The following ADAMTS18 variants were observed in gnomAD, a reference collection of about 807,000 sequenced individuals.
The protein encoded by ADAMTS18 is A disintegrin and metalloproteinase with thrombospondin motifs 18.
ADAMTS18 carries 157 observed loss-of-function variants against 165.9 expected under a neutral mutation model. That is an observed-to-expected ratio of 0.95 (90% CI 0.83 to 1.08). The LOEUF (loss-of-function observed/expected upper bound fraction) is 1.08. Ranked by LOEUF, ADAMTS18 falls within the 50% of genes least tolerant of loss-of-function variation. The pLI is 0.00. For missense variants in ADAMTS18, 2,040 were observed against 1,534.0 expected, an observed-to-expected ratio of 1.33 and a Z score of -5.51; for synonymous variants, 782 against 578.2, an observed-to-expected ratio of 1.35 and a Z score of -5.06.
chr16:77,350,660 A>C (rs1052390622), intron 10 of ADAMTS18, among the ~76,000 whole-genome samples: 1 of 152,158 alleles, frequency 6.6e-6, no homozygotes, highest in African/African-American at 2.4e-5. Flanking sequence ...GAACGTTCAA[A>C]ATTGAAGACT....
chr16:77,350,446 G>C (rs1428359524), intron 10 of ADAMTS18, among the ~76,000 whole-genome samples: 1 of 152,172 alleles, frequency 6.6e-6, no homozygotes, highest in African/African-American at 2.4e-5. Flanking sequence ...TGTTTATCAA[G>C]TGATGCGACT....
At chr16:77,324,958 C>T (rs948803462) in intron 13 of ADAMTS18, among the ~76,000 whole-genome samples, 1 of 152,148 alleles carries the variant, frequency 6.6e-6, no homozygotes, top group Non-Finnish European at 1.5e-5. Context: ...CCTGAAATGG[C>T]TAGGCTGATA....
chr16:77,306,044 C>A (rs2055676214), intron 16 of ADAMTS18, among the ~76,000 whole-genome samples: 2 of 152,268 alleles, frequency 1.3e-5, no homozygotes, highest in Admixed American at 6.5e-5. Context: ...ACAATAATGC[C>A]ATTGCTTACA....
intron 16 of ADAMTS18, among the ~76,000 whole-genome samples, chr16:77,317,097 C>T (rs1597114098): frequency 6.6e-6 from 1 of 152,256 alleles, no homozygotes; most frequent in Non-Finnish European, 1.5e-5. Context: ...CTCTCTAATT[C>T]AAAAAGTCTG....
intron 11 of ADAMTS18, among the ~76,000 whole-genome samples, chr16:77,340,199 G>A (rs192275146): frequency 2.0e-5 from 3 of 152,104 alleles, no homozygotes; most frequent in African/African-American, 7.2e-5. Flanking sequence ...ATTTTTGAGA[G>A]AGTCTTGCTC....
In ADAMTS18 at chr16:77,382,273, C is replaced by A. The variant is rs528787304; in HGVS notation, c.496-14550G>T. Among the ~76,000 whole-genome samples the A allele has an allele frequency of 7.9e-5, 12 of 152,264 alleles. 1 individual carries two copies. Among genetic ancestry groups the A allele is most frequent in the South Asian group, 2.1e-4 (1 of 4,820 alleles). On this transcript the variant is annotated intron_variant, in intron 3 of 22. Transcript: ENST00000282849. The stretch of plus-strand genomic sequence containing the variant: ...TTGCCCAGGCTGGAGTGCAGTGGCG[C>A]GATCTCGGCTCACTGCAAGCTCCGC...
In ADAMTS18 at chr16:77,284,067, A is replaced by T. The variant is rs1196626887; in HGVS notation, c.3555T>A (p.Asp1185Glu). ...NFCPAPEKRE[D>E]PSCVDFFNWC... ...AGTTGAAGAAATCTACGCAGGATGG[A>T]TCCTCTAAAATAAGAAAATATATTT... Residue 1185 changes from aspartate to glutamate, a missense_variant, in exon 23 of 23, where the codon GAT becomes GAA. Transcript: ENST00000282849. The T allele has an allele frequency of 6.2e-7, 1 of 1,603,684 alleles. No individual in the cohort carries two copies. The highest frequency in any genetic ancestry group is 8.5e-7 in the Non-Finnish European group (1 of 1,170,924).
chr16:77,423,598 CTG>C (rs1435785841), intron 3 of ADAMTS18, among the ~76,000 whole-genome samples: 1 of 152,118 alleles, frequency 6.6e-6, no homozygotes, highest in Non-Finnish European at 1.5e-5. Context: ...AGAGTTTTCC[CTG>C]TGTTACGTAG....
chr16:77,339,974 G>T (rs1454098312), intron 11 of ADAMTS18, among the ~76,000 whole-genome samples: 2 of 152,090 alleles, frequency 1.3e-5, no homozygotes, highest in Non-Finnish European at 2.9e-5. Context: ...TCTAACTGAA[G>T]AACTTTAACC....
chr16:77,411,266 CGGTCTCT>C (rs1307098863), intron 3 of ADAMTS18, among the ~76,000 whole-genome samples: 1 of 152,142 alleles, frequency 6.6e-6, no homozygotes, highest in African/African-American at 2.4e-5. Context: ...ATATATCTCC[CGGTCTCT>C]GTCAATTCAT....
rs983488467 is a variant in ADAMTS18, at chr16:77,282,249, C to G, written c.*1707G>C. 5.9e-5 allele frequency: 9 copies of G among 151,920 alleles called. No homozygotes were observed. The highest frequency in any genetic ancestry group is 1.2e-4 in the Non-Finnish European group (8 of 68,000). The allele number at this position is 151,920 out of a possible 1,614,324, so 9.4% of individuals were successfully genotyped here. On this transcript the variant is annotated 3_prime_UTR_variant, in exon 23 of 23. Transcript: ENST00000282849. ...TTCAACATTTTATCTCAAAATATTA[C>G]TTAGAGAAGCAAGTGAGAACACATA...
intron 12 of ADAMTS18, among the ~76,000 whole-genome samples, chr16:77,326,267 T>A (rs2056094517): frequency 6.6e-6 from 1 of 152,238 alleles, no homozygotes; most frequent in Non-Finnish European, 1.5e-5. Flanking sequence ...GTTCTTTTCA[T>A]TACCACTGTT....
chr16:77,353,689 A>T (rs1337270326), intron 10 of ADAMTS18, 44 bp downstream of exon 10: 18 of 1,613,882 alleles, frequency 1.1e-5, no homozygotes, highest in Non-Finnish European at 1.4e-5. Flanking sequence ...ACACAGACAC[A>T]TTGCAGAGTC....
At chr16:77,321,298 C>T in intron 14 of ADAMTS18, 96 bp from the exon 15 acceptor site, 1 of 1,513,646 alleles carries the variant, frequency 6.6e-7, no homozygotes, top group Non-Finnish European at 9.1e-7. Context: ...ATTTACAGAA[C>T]ATTAGGGAAG....
chr16:77,303,688 T>C (rs955000370), intron 16 of ADAMTS18, among the ~76,000 whole-genome samples: 5 of 151,932 alleles, frequency 3.3e-5, no homozygotes, highest in Admixed American at 6.6e-5. Flanking sequence ...GTGGAGAAGA[T>C]GAGACAGATT....
rs898643839 is a variant in ADAMTS18 at position 77,284,733 on chromosome 16, C to T, written c.3551-662G>A. Among the ~76,000 whole-genome samples the T allele has an allele frequency of 5.3e-5, 8 of 152,298 alleles. No individual in the cohort carries two copies. In the South Asian group the frequency reaches 1.7e-3, roughly 32 times the overall value. ...ATGGAATTCAGTGTCCAGGGAAATA[C>T]CCTAAAATGGTGCTTTAGGGATCCC... is the stretch of plus-strand genomic sequence containing the variant. On this transcript the variant is annotated intron_variant, in intron 22 of 22. Transcript: ENST00000282849.
intron 3 of ADAMTS18, among the ~76,000 whole-genome samples, chr16:77,405,864 C>T (rs570719005): frequency 2.0e-5 from 3 of 152,168 alleles, no homozygotes; most frequent in African/African-American, 4.8e-5. Context: ...TCTTTATGAC[C>T]TCATTTAACC....
intron 3 of ADAMTS18, among the ~76,000 whole-genome samples, chr16:77,424,468 CAA>C (rs4038057): frequency 2.0e-4 from 22 of 107,674 alleles, no homozygotes; most frequent in East Asian, 2.5e-4. Flanking sequence ...AACTCCATCT[CAA>C]AAAAAAAAAA....
rs374446955 is a variant in ADAMTS18, at chr16:77,354,469, C to G, written c.1461-583G>C. On this transcript the variant is annotated intron_variant, in intron 9 of 22. Transcript: ENST00000282849. ...AAAAATTTCCTTCAGATATGTTTGACTGTGACTTGTTGAGAGCAAAAATCA... is the reference window on the plus strand; with the variant it reads ...AAAAATTTCCTTCAGATATGTTTGAGTGTGACTTGTTGAGAGCAAAAATCA... 5.6e-4 allele frequency among the ~76,000 whole-genome samples: 85 copies of G among 152,084 alleles called. No individual in the cohort carries two copies. In the Middle Eastern group the frequency reaches 0.014, roughly 24 times the overall value.
Sources: gnomAD v4.1 joint callset for allele counts (sites outside exome capture counted in the v4.1 genomes callset) on GRCh38, gnomAD v4.1.1 for gene constraint, MANE v1.5 for transcripts, NCBI Gene and HGNC (gene_info 2026-07-23, HGNC 2026-07-21) for gene names.